The following NT5DC3 variants were observed in gnomAD, a reference collection of about 807,000 sequenced individuals.
The protein encoded by NT5DC3 is 5'-nucleotidase domain-containing protein 3.
In NT5DC3, 42 loss-of-function variants were observed where a neutral mutation model predicts 67.8. That is an observed-to-expected ratio of 0.62 (90% CI 0.48 to 0.80). The LOEUF is 0.80. Ranked by LOEUF, NT5DC3 falls within the 30% of genes least tolerant of loss-of-function variation. The probability of loss-of-function intolerance (pLI) is 0.00; values close to 1 mark genes in which losing one functional copy is unlikely to be tolerated. For missense variants in NT5DC3, 570 were observed against 696.4 expected (o/e 0.82, Z 2.04); for synonymous variants, 237 against 255.6 (o/e 0.93, Z 0.69).
At position 103,774,216 on chromosome 12, in the gene NT5DC3, T is replaced by C. The variant is rs1166990879; in HGVS notation, c.*3613A>G. On this transcript the variant is annotated 3_prime_UTR_variant, in exon 14 of 14. Transcript: ENST00000392876. ...CATTGTTCACATAATTCTTAGAAAA[T>C]CAGTCAAACAATATTAAACAGTAAT... The C allele has an allele frequency of 6.6e-6, 1 of 152,186 alleles. No homozygotes were observed. The highest frequency in any genetic ancestry group is 2.4e-5 in the African/African-American group (1 of 41,432). 9.4% of individuals were successfully genotyped at this position (152,186 alleles called of 1,614,324 possible).
rs775879269 is a variant in NT5DC3, at chr12:103,796,981, G to A, written c.666C>T (p.Pro222=). ...TCACGCAGGACAGGAGGGTCATCTC[G>A]GGCAGGGAGAAGATGTCCATGAACT... The part of the protein sequence containing the change: ...MKQFMDIFSL[P]EMTLLSCVNE... Residue 222 remains proline (P), a synonymous_variant, in exon 6 of 14, where the codon CCC becomes CCT. Coordinates refer to ENST00000392876, the MANE Select transcript of NT5DC3 (RefSeq NM_001031701.3). The A allele has an allele frequency of 1.1e-5, 17 of 1,613,882 alleles. No homozygotes were observed. The Admixed American group carries it at 1.2e-4, about 11-fold the overall frequency.
intron 2 of NT5DC3, among the ~76,000 whole-genome samples, chr12:103,807,287 A>G (rs1886841830): frequency 6.6e-6 from 1 of 152,074 alleles, no homozygotes. Context: ...ATCTCCACCC[A>G]TCACTCCCTC....
intron 9 of NT5DC3, among the ~76,000 whole-genome samples, chr12:103,792,041 T>A (rs1348419775): frequency 1.3e-5 from 2 of 152,220 alleles, no homozygotes; most frequent in Non-Finnish European, 2.9e-5. Context: ...CGCTTTGCAC[T>A]GATCACCCCA....
chr12:103,758,811 G>T, the NT5DC3 span, among the ~76,000 whole-genome samples: 8 of 152,312 alleles, frequency 5.3e-5, no homozygotes, highest in East Asian at 1.5e-3. Context: ...TCACGCACAG[G>T]TGGCTGACCT....
At chr12:103,780,129 G>A (rs1042091336) in intron 13 of NT5DC3, among the ~76,000 whole-genome samples, 171 bp downstream of exon 13, 1 of 152,212 alleles carries the variant, frequency 6.6e-6, no homozygotes, top group Non-Finnish European at 1.5e-5. Flanking sequence ...TTTGTCACAT[G>A]TTACCAACAG....
intron 6 of NT5DC3, among the ~76,000 whole-genome samples, 177 bp downstream of exon 6, chr12:103,796,717 A>T (rs1017377095): frequency 6.6e-6 from 1 of 152,262 alleles, no homozygotes; most frequent in African/African-American, 2.4e-5. Flanking sequence ...CTGATTTCCA[A>T]TTCTCCTGAT....
At chr12:103,821,530 A>G (rs17034625) in intron 1 of NT5DC3, among the ~76,000 whole-genome samples, 15,434 of 152,190 alleles carry the variant, frequency 0.1, 1,121 homozygotes, top group East Asian at 0.29. Flanking sequence ...AAGTGAACCA[A>G]TAAGTCCAAT....
chr12:103,751,401 C>T, the NT5DC3 span, among the ~76,000 whole-genome samples: 1 of 152,096 alleles, frequency 6.6e-6, no homozygotes, highest in Non-Finnish European at 1.5e-5. Context: ...GTTGAAAGAA[C>T]TAACAATGGA....
At chr12:103,762,537 C>A in the NT5DC3 span, 2 of 1,335,948 alleles carry the variant, frequency 1.5e-6, no homozygotes, top group African/African-American at 1.4e-5. Context: ...CAGGGGCGGC[C>A]ACCCACCCCA....
chr12:103,822,471 T>G (rs1887530275), intron 1 of NT5DC3, among the ~76,000 whole-genome samples: 1 of 152,270 alleles, frequency 6.6e-6, no homozygotes, highest in Non-Finnish European at 1.5e-5. Context: ...ACAGTAGATG[T>G]CTCAACAGGT....
chr12:103,806,326 A>G lies in NT5DC3; in HGVS notation c.520T>C (p.Tyr174His). The part of the protein sequence containing the change: ...AFHYIQLGTV[Y>H]RGLSVVPDEE... Reference sequence around the variant, plus strand: ...TGTATCTCCTCTTACTCTTACCTGTAGACAGTTCCCAGCTGGATATAATGA... The same window carrying G: ...TGTATCTCCTCTTACTCTTACCTGTGGACAGTTCCCAGCTGGATATAATGA... Residue 174 changes from tyrosine (Y) to histidine (H), a missense_variant, in exon 4 of 14, where the codon TAC (tyrosine) becomes CAC (histidine). Tyr to His is a moderately conservative substitution (Grantham distance 83). Around this residue, in one of 2 missense-constraint regions of NT5DC3, gnomAD observed 466 missense variants for 608.0 expected, o/e 0.77. Transcript: ENST00000392876. 6.2e-7 allele frequency: 1 copy of G among 1,601,410 alleles called. No individual in the cohort carries two copies. Among genetic ancestry groups the G allele is most frequent in the East Asian group, 2.2e-5 (1 of 44,836 alleles).
intron 9 of NT5DC3, among the ~76,000 whole-genome samples, chr12:103,789,836 T>G (rs1234666809): frequency 6.6e-6 from 1 of 152,184 alleles, no homozygotes; most frequent in African/African-American, 2.4e-5. Flanking sequence ...ATAATTTTTT[T>G]ACCTAATTGT....
chr12:103,788,488 GT>G (rs1000247434), intron 10 of NT5DC3, among the ~76,000 whole-genome samples: 3 of 152,140 alleles, frequency 2.0e-5, no homozygotes, highest in Non-Finnish European at 2.9e-5. Flanking sequence ...TACAAAACAT[GT>G]ATTGTCAGAA....
At chr12:103,754,393 C>G in the NT5DC3 span, among the ~76,000 whole-genome samples, 23 of 152,098 alleles carry the variant, frequency 1.5e-4, no homozygotes, top group East Asian at 1.5e-3. Context: ...AGCTGTGTGA[C>G]TTTGAGCAAG....
At chr12:103,821,128 C>T (rs899359030) in intron 1 of NT5DC3, among the ~76,000 whole-genome samples, 2 of 152,244 alleles carry the variant, frequency 1.3e-5, no homozygotes, top group Non-Finnish European at 2.9e-5. Flanking sequence ...GGCACTACAA[C>T]ATGAAGTGGA....
intron 2 of NT5DC3, 118 bp from the exon 3 acceptor site, chr12:103,807,047 C>T (rs1886830729): frequency 1.6e-6 from 1 of 640,312 alleles, no homozygotes; most frequent in South Asian, 1.7e-5. Context: ...AGGTTGGGGT[C>T]AGAAGGGGCA....
At chr12:103,825,300 G>A (rs1887645472) in intron 1 of NT5DC3, among the ~76,000 whole-genome samples, 1 of 152,096 alleles carries the variant, frequency 6.6e-6, no homozygotes, top group South Asian at 2.1e-4. Flanking sequence ...AGTAATATCT[G>A]TATTTTGACT....
chr12:103,758,482 G>C, the NT5DC3 span, among the ~76,000 whole-genome samples: 1 of 152,310 alleles, frequency 6.6e-6, no homozygotes, highest in African/African-American at 2.4e-5. Flanking sequence ...TGCTCTAGCT[G>C]GGCCATCAAT....
At chr12:103,790,291 T>A (rs117766388) in intron 9 of NT5DC3, among the ~76,000 whole-genome samples, 4,872 of 152,076 alleles carry the variant, frequency 0.032, 102 homozygotes, top group Middle Eastern at 0.044. Flanking sequence ...ATTTTATTTT[T>A]TTGAGAGAGA....
Sources: gnomAD v4.1 joint callset for allele counts (sites outside exome capture counted in the v4.1 genomes callset) on GRCh38, gnomAD v4.1.1 for gene constraint, gnomAD v4.1.1 regional missense constraint, MANE v1.5 for transcripts, NCBI Gene and HGNC (gene_info 2026-07-23, HGNC 2026-07-21) for gene names.